Variants in IQSEC1 observed in about 807,000 individuals in gnomAD.
IQSEC1 encodes IQ motif and Sec7 domain ArfGEF 1, also known as IQ motif and SEC7 domain-containing protein 1.
Under a neutral mutation model 91.0 loss-of-function variants are expected in IQSEC1, and 31 were observed. The observed-to-expected ratio is 0.34, with a 90% confidence interval of 0.26 to 0.46. IQSEC1 has a LOEUF of 0.46. Ranked by LOEUF, IQSEC1 falls within the 20% of genes least tolerant of loss-of-function variation. The pLI is 1.00. For missense variants in IQSEC1, 1,388 were observed against 1,575.6 expected (o/e 0.88, Z 2.02); for synonymous variants, 699 against 662.6 (o/e 1.05, Z -0.84).
At chr3:13,051,576 T>C (rs1384115245) in intron 1 of IQSEC1, among the ~76,000 whole-genome samples, 1 of 152,194 alleles carries the variant, frequency 6.6e-6, no homozygotes, top group African/African-American at 2.4e-5. Flanking sequence ...CGCTGATGAA[T>C]TGTGCACTTT....
Position 12,922,070 on chromosome 3 carries a change from G to A in IQSEC1, c.1853+50C>T. The A allele has an allele frequency of 6.6e-7, 1 of 1,520,066 alleles. No homozygotes were observed. The allele number at this position is 1,520,066 out of a possible 1,614,324, so 94.2% of individuals were successfully genotyped here. On this transcript the variant is annotated intron_variant, in intron 5 of 13. Coordinates refer to ENST00000613206, the MANE Select transcript of IQSEC1 (RefSeq NM_001134382.3). The surrounding 1 kb of genome is among the most constrained non-coding windows in gnomAD (Gnocchi z 5.1). ...GTCCATCCTCGGGCCCTGAAGCTGG[G>A]GGACACCATTCTTCCCTGATGCAGC...
chr3:12,903,747 G>T (rs1008248260), intron 12 of IQSEC1, among the ~76,000 whole-genome samples: 5 of 152,284 alleles, frequency 3.3e-5, no homozygotes, highest in Non-Finnish European at 7.4e-5. Context: ...CCAGCTCTCT[G>T]GGAGTGGGGA....
Position 12,970,479 on chromosome 3 carries a change from C to T in IQSEC1, c.24-28614G>A, listed in dbSNP as rs1296739975. On this transcript the variant is annotated intron_variant, in intron 1 of 13. Transcript: ENST00000613206. This position sits in a 1 kb window ranked among gnomAD's most constrained non-coding sequence, Gnocchi z 4.4. ...CAGCTTCTGATAGCCTCCAGTCTTT[C>T]CACAGCCTCCCTGCTTTCCTCCAGC... Among the ~76,000 whole-genome samples the T allele has an allele frequency of 1.3e-5, 2 of 152,186 alleles. No homozygotes were observed. Among genetic ancestry groups the T allele is most frequent in the Non-Finnish European group, 2.9e-5 (2 of 68,036 alleles).
chr3:13,020,679 T>C (rs1262806989), intron 1 of IQSEC1, among the ~76,000 whole-genome samples: 4 of 152,184 alleles, frequency 2.6e-5, no homozygotes, highest in East Asian at 1.9e-4. Flanking sequence ...TTCTTTTTTT[T>C]AGAGATGAGG....
intron 1 of IQSEC1, among the ~76,000 whole-genome samples, chr3:13,234,951 T>A (rs1015313036): frequency 6.6e-6 from 1 of 152,000 alleles, no homozygotes; most frequent in Admixed American, 6.5e-5. Context: ...GAGGTGTGGG[T>A]GATTGCTGAG....
chr3:12,928,336 C>T (rs1383724135), intron 3 of IQSEC1, among the ~76,000 whole-genome samples: 6 of 152,208 alleles, frequency 3.9e-5, no homozygotes, highest in Non-Finnish European at 2.9e-5. Context: ...ATGGATTCCA[C>T]CCGGCAGGCC....
chr3:13,143,661 G>C (rs1272420076), intron 2 of IQSEC1, among the ~76,000 whole-genome samples: 1 of 152,240 alleles, frequency 6.6e-6, no homozygotes, highest in Non-Finnish European at 1.5e-5. Flanking sequence ...GTCAGGGCAA[G>C]GGCTGGTAGT....
intron 2 of IQSEC1, among the ~76,000 whole-genome samples, chr3:13,113,017 G>A (rs1041845345): frequency 1.1e-4 from 17 of 152,236 alleles, no homozygotes; most frequent in African/African-American, 3.4e-4. Context: ...TCACCGGGTC[G>A]CAAGCAGACA....
intron 1 of IQSEC1, among the ~76,000 whole-genome samples, chr3:13,186,842 C>A (rs544409738): frequency 6.6e-6 from 1 of 152,258 alleles, no homozygotes; most frequent in South Asian, 2.1e-4. Context: ...TTACCTGGAT[C>A]CTGCCCAGAA....
intron 1 of IQSEC1, among the ~76,000 whole-genome samples, chr3:13,257,399 G>A (rs753023528): frequency 6.6e-6 from 1 of 152,194 alleles, no homozygotes; most frequent in Non-Finnish European, 1.5e-5. Flanking sequence ...ACCCCACGCT[G>A]TGGGTCCCAC....
chr3:13,235,457 A>C (rs561686920), intron 1 of IQSEC1, among the ~76,000 whole-genome samples: 1 of 152,282 alleles, frequency 6.6e-6, no homozygotes, highest in South Asian at 2.1e-4. Flanking sequence ...CCTGCTCACA[A>C]GTTGGGGCTG....
At chr3:13,264,718 C>A (rs1447972983) in intron 1 of IQSEC1, among the ~76,000 whole-genome samples, 1 of 151,752 alleles carries the variant, frequency 6.6e-6, no homozygotes, top group Non-Finnish European at 1.5e-5. Context: ...GGGAGGAGGA[C>A]GGAGGAGAGG....
intron 1 of IQSEC1, among the ~76,000 whole-genome samples, chr3:13,236,053 G>A (rs146503229): frequency 3.1e-4 from 47 of 152,202 alleles, no homozygotes; most frequent in African/African-American, 9.9e-4. Context: ...GGGGCCTTAC[G>A]AGATAGATGT....
At chr3:13,005,328 CCCAGGGCT>C (rs1419824394) in intron 1 of IQSEC1, among the ~76,000 whole-genome samples, 4 of 152,272 alleles carry the variant, frequency 2.6e-5, no homozygotes, top group Non-Finnish European at 4.4e-5. Context: ...GAGACCGCAG[CCCAGGGCT>C]CCCTGCTCTG....
At chr3:13,217,101 A>T (rs1457666129) in intron 1 of IQSEC1, among the ~76,000 whole-genome samples, 1 of 152,248 alleles carries the variant, frequency 6.6e-6, no homozygotes, top group Non-Finnish European at 1.5e-5. Flanking sequence ...TTTTAAAAAA[A>T]AAATCCAACT....
intron 1 of IQSEC1, among the ~76,000 whole-genome samples, chr3:13,069,550 C>T (rs1004167972): frequency 2.0e-5 from 3 of 152,264 alleles, no homozygotes; most frequent in African/African-American, 4.8e-5. Context: ...CTGCGGGGGC[C>T]GGCAGGTCAT....
chr3:13,268,356 A>T (rs1221067576), intron 1 of IQSEC1, among the ~76,000 whole-genome samples: 1 of 152,214 alleles, frequency 6.6e-6, no homozygotes, highest in East Asian at 1.9e-4. Context: ...ATAAAAAAGG[A>T]TCAGCTAGCA....
chr3:12,971,975 C>T (rs965304831), intron 1 of IQSEC1, among the ~76,000 whole-genome samples: 28 of 151,608 alleles, frequency 1.8e-4, no homozygotes, highest in Admixed American at 1.6e-3. Flanking sequence ...GATCGTGCCA[C>T]TGCACTCCAG....
intron 2 of IQSEC1, among the ~76,000 whole-genome samples, chr3:13,157,946 T>C (rs1353281059): frequency 1.3e-5 from 2 of 152,212 alleles, no homozygotes; most frequent in Non-Finnish European, 2.9e-5. Context: ...TTCACACCCT[T>C]AGTAGTTAGC....
Sources: allele counts gnomAD v4.1 joint callset (sites outside exome capture counted in the v4.1 genomes callset), GRCh38; gene constraint gnomAD v4.1.1; non-coding constraint Gnocchi (gnomAD v3.1); transcripts MANE v1.5; gene names NCBI Gene and HGNC (gene_info 2026-07-23, HGNC 2026-07-21).